Variants in RUFY4 observed in about 807,000 individuals in gnomAD.
RUFY4 encodes the protein RUN and FYVE domain-containing protein 4.
Under a neutral mutation model 69.0 loss-of-function variants are expected in RUFY4, and 73 were observed. The observed-to-expected ratio is 1.06, with a 90% CI of 0.88 to 1.29. The LOEUF is 1.29. RUFY4 is among the 50% of genes most tolerant of loss of function. RUFY4 has a pLI of 0.00. For synonymous variants in RUFY4, 287 were observed against 271.8 expected, an observed-to-expected ratio of 1.06 and a Z score of -0.55; for missense variants, 770 against 705.6, an observed-to-expected ratio of 1.09 and a Z score of -1.03.
intron 2 of RUFY4, among the ~76,000 whole-genome samples, chr2:218,037,878 T>G (rs1297790239): frequency 6.6e-6 from 1 of 152,250 alleles, no homozygotes; most frequent in Non-Finnish European, 1.5e-5. Context: ...GTGTTTCCAC[T>G]TTTGTTCACA....
chr2:218,037,122 C>T (rs956761267), intron 2 of RUFY4, among the ~76,000 whole-genome samples: 1 of 152,146 alleles, frequency 6.6e-6, no homozygotes, highest in South Asian at 2.1e-4. Flanking sequence ...AGTTCGAGAC[C>T]AGCCTGACCA....
At chr2:218,043,544 A>G (rs1688751896) in intron 2 of RUFY4, among the ~76,000 whole-genome samples, 1 of 152,130 alleles carries the variant, frequency 6.6e-6, no homozygotes, top group South Asian at 2.1e-4. Flanking sequence ...AGTTCTCAGC[A>G]CAGATGAGGC....
intron 3 of RUFY4, among the ~76,000 whole-genome samples, chr2:218,058,906 C>A (rs1196595579): frequency 6.6e-6 from 1 of 152,204 alleles, no homozygotes; most frequent in African/African-American, 2.4e-5. Context: ...ATATGAGATG[C>A]CCTAGAGCAT....
upstream of RUFY4, among the ~76,000 whole-genome samples, chr2:218,066,902 T>C (rs979043961): frequency 1.3e-5 from 2 of 152,234 alleles, no homozygotes; most frequent in Non-Finnish European, 2.9e-5. Flanking sequence ...ACTGTCTTGA[T>C]TACTGTTGCT....
At chr2:218,075,438 G>C (rs780583191) in exon 7 of RUFY4, 1 of 1,611,434 alleles carries the variant, frequency 6.2e-7, no homozygotes, top group South Asian at 1.1e-5. Context: ...GGAGGCTGAG[G>C]TCACAGGGGT....
At chr2:218,065,763 G>C (rs1008348777), upstream of RUFY4, 2 of 152,502 alleles carry the variant, frequency 1.3e-5, no homozygotes, top group African/African-American at 4.8e-5. Context: ...CCCAGGAGGC[G>C]GGTCAGCAGT....
intron 3 of RUFY4, 64 bp downstream of exon 5, chr2:218,072,563 C>T (rs1689514360): frequency 2.6e-6 from 4 of 1,520,404 alleles, no homozygotes; most frequent in Non-Finnish European, 3.5e-6. Context: ...TCCTCCTTTT[C>T]CCCCACCCTG....
At chr2:218,075,740 G>A (rs781605837) in exon 7 of RUFY4, 4 of 1,430,024 alleles carry the variant, frequency 2.8e-6, no homozygotes, top group South Asian at 1.9e-5. Context: ...ACGAGATCAA[G>A]GTGAGAACAG....
chr2:218,069,946 C>T (rs542752780), upstream of RUFY4, among the ~76,000 whole-genome samples: 40 of 152,240 alleles, frequency 2.6e-4, no homozygotes, highest in South Asian at 8.3e-3. Context: ...CCCTGCTCCC[C>T]ACACACACGC....
chr2:218,079,773 C>T (rs539827600), intron 8 of RUFY4, among the ~76,000 whole-genome samples: 5 of 152,180 alleles, frequency 3.3e-5, no homozygotes, highest in Non-Finnish European at 5.9e-5. Context: ...ATAGAAGTGC[C>T]GAGGGACCCA....
Position 218,055,669 on chromosome 2 carries a change from A to G in RUFY4, c.-1157-2926A>G, listed in dbSNP as rs537411416. On this transcript the variant is annotated intron_variant and NMD_transcript_variant, in intron 2 of 13. Transcript: ENST00000457754. ...CCCCCATGGAATTACTAAGCAGGAA[A>G]TTACTCTTTCCTAAAGCCCTAAACT... is the stretch of plus-strand genomic sequence containing the variant. Among the ~76,000 whole-genome samples the G allele has an allele frequency of 1.2e-4, 18 of 152,310 alleles. No individual in the cohort carries two copies. The South Asian group carries it at 3.5e-3, about 30-fold the overall frequency.
Position 218,075,132 on chromosome 2 carries a change from G to T in RUFY4, c.640G>T (p.Glu214Ter), listed in dbSNP as rs1689592361. 4 of 1,548,810 alleles carry T rather than the reference G, an allele frequency of 2.6e-6. No homozygotes were observed. Among genetic ancestry groups the T allele is most frequent in the Non-Finnish European group, 3.5e-6 (4 of 1,144,528 alleles). The stretch of plus-strand genomic sequence containing the variant: ...TGGAGGGCCTGAAAATGTCCAGATT[G>T]AGGACTCACACACCAGTCAAGCCAT... Residue 214 changes from glutamate (E) to a stop codon, truncating the protein, a stop_gained, in exon 7 of 11, where the codon GAG (glutamate) becomes TAG (stop). Coordinates refer to ENST00000344321, the Ensembl canonical transcript of RUFY4. LOFTEE classifies it high-confidence loss of function.
At chr2:218,050,246 T>G (rs1688913551) in intron 2 of RUFY4, among the ~76,000 whole-genome samples, 1 of 152,218 alleles carries the variant, frequency 6.6e-6, no homozygotes, top group Non-Finnish European at 1.5e-5. Flanking sequence ...CTTCTGTCAC[T>G]CAATAAAATT....
At chr2:218,060,446 G>A (rs1689154922) in intron 3 of RUFY4, 1 of 1,476,726 alleles carries the variant, frequency 6.8e-7, no homozygotes, top group East Asian at 2.3e-5. Flanking sequence ...ATAATCTTGA[G>A]AAGTCCATGG....
intron 6 of RUFY4, 125 bp from the exon 9 acceptor site, chr2:218,074,968 A>G (rs765235873): frequency 1.9e-6 from 2 of 1,038,000 alleles, no homozygotes; most frequent in Non-Finnish European, 2.7e-6. Flanking sequence ...CAAAGCTTCC[A>G]GTGAGAGGAC....
At chr2:218,076,632 T>G (rs1187490690) in intron 8 of RUFY4, 99 bp downstream of exon 10, 6 of 1,502,576 alleles carry the variant, frequency 4.0e-6, no homozygotes. Context: ...GAACCTCCCA[T>G]GCACCAGGCC....
intron 2 of RUFY4, among the ~76,000 whole-genome samples, chr2:218,047,594 CT>C (rs1407787310): frequency 6.6e-6 from 1 of 151,990 alleles, no homozygotes; most frequent in Non-Finnish European, 1.5e-5. Context: ...TTCATTCATC[CT>C]TTGTTTTTAG....
chr2:218,079,061 G>T (rs1245576460), intron 8 of RUFY4, among the ~76,000 whole-genome samples: 2 of 152,142 alleles, frequency 1.3e-5, no homozygotes. Context: ...TAGAGATGGG[G>T]TTTCATCATG....
chr2:218,066,177 CTTTTTTT>C (rs58665951), upstream of RUFY4, among the ~76,000 whole-genome samples: 4 of 74,442 alleles, frequency 5.4e-5, no homozygotes, highest in South Asian at 5.1e-4. Flanking sequence ...CTTTTCTTTT[CTTTTTTT>C]TTTTTTTTTT....
Sources: gnomAD v4.1 joint callset for allele counts (sites outside exome capture counted in the v4.1 genomes callset) on GRCh38, gnomAD v4.1.1 for gene constraint, MANE v1.5 for transcripts, NCBI Gene and HGNC (gene_info 2026-07-23, HGNC 2026-07-21) for gene names.